The following SMARCD3 variants were observed in gnomAD, a reference collection of about 807,000 sequenced individuals.
SMARCD3 encodes SWI/SNF related BAF chromatin remodeling complex subunit D3, also known as SWI/SNF-related matrix-associated actin-dependent regulator of chromatin subfamily D member 3.
In SMARCD3, 14 loss-of-function variants were observed where a neutral mutation model predicts 58.0. The ratio of observed to expected loss-of-function variants is 0.24; its 90% CI spans 0.16 to 0.38. SMARCD3 has a LOEUF of 0.38. Among genes scored for constraint, SMARCD3 ranks in the 10% least tolerant of loss-of-function variants. The pLI, the probability that SMARCD3 is intolerant of heterozygous loss-of-function variation, is 1.00. For synonymous variants in SMARCD3, 253 were observed against 253.8 expected, an observed-to-expected ratio of 1.00 and a Z score of 0.03; for missense variants, 408 against 636.9, an observed-to-expected ratio of 0.64 and a Z score of 3.87.
chr7:151,240,364 G>A (rs1336392346), intron 9 of SMARCD3, 61 bp downstream of exon 9: 26 of 1,578,180 alleles, frequency 1.6e-5, no homozygotes, highest in Non-Finnish European at 2.2e-5. Context: ...GAGAGGGAGG[G>A]GCAGGGAAGG....
At chr7:151,257,022 T>A (rs549691730) in intron 2 of SMARCD3, among the ~76,000 whole-genome samples, 1 of 152,142 alleles carries the variant, frequency 6.6e-6, no homozygotes, top group Non-Finnish European at 1.5e-5. Context: ...TACTGTTACA[T>A]CCCCATTGGA....
intron 2 of SMARCD3, among the ~76,000 whole-genome samples, chr7:151,264,930 G>A (rs1316122812): frequency 3.9e-5 from 6 of 152,216 alleles, no homozygotes; most frequent in African/African-American, 1.4e-4. Context: ...GGGGCCCAAG[G>A]ACTGGACAGT....
At chr7:151,274,244 G>A (rs890303335) in intron 2 of SMARCD3, among the ~76,000 whole-genome samples, 2 of 152,222 alleles carry the variant, frequency 1.3e-5, no homozygotes, top group Non-Finnish European at 2.9e-5. Flanking sequence ...TCCCACCGGT[G>A]AGGCCAGCCA....
At chr7:151,262,860 T>C (rs907916961) in intron 2 of SMARCD3, among the ~76,000 whole-genome samples, 5 of 152,072 alleles carry the variant, frequency 3.3e-5, no homozygotes, top group African/African-American at 7.2e-5. Flanking sequence ...TCTGTGAAGG[T>C]CAGGGGAGAG....
rs1228378637 is a variant in SMARCD3, at chr7:151,246,687, C to T, written c.79-1016G>A. On this transcript the variant is annotated intron_variant, in intron 1 of 12. Coordinates refer to ENST00000262188, the MANE Select transcript of SMARCD3 (RefSeq NM_001003801.2). This position sits in a 1 kb window ranked among gnomAD's most constrained non-coding sequence, Gnocchi z 4.4. ...GAGGAGGCGGCTCCTCCTCCCTTGC[C>T]ACTACCCCTGGGTGGTCAGATGGGG... 6.6e-6 allele frequency among the ~76,000 whole-genome samples: 1 copy of T among 152,180 alleles called. No individual in the cohort carries two copies. The highest frequency in any genetic ancestry group is 6.5e-5 in the Admixed American group (1 of 15,294).
In SMARCD3 at chr7:151,270,707, C is replaced by T. The variant is rs535153291; in HGVS notation, c.39+4407G>A. Reference sequence around the variant, plus strand: ...TGTGTGAGGGCCCTGAGTGAGGGCACGAGAATGAAGCCACTAGGAAGTGGA... The same window carrying T: ...TGTGTGAGGGCCCTGAGTGAGGGCATGAGAATGAAGCCACTAGGAAGTGGA... On this transcript the variant is annotated intron_variant, in intron 2 of 13. Transcript: ENST00000356800. Among the ~76,000 whole-genome samples, 12 of 152,132 alleles carry T rather than the reference C, an allele frequency of 7.9e-5. No homozygotes were observed. In the South Asian group the frequency reaches 8.3e-4, roughly 11 times the overall value.
chr7:151,265,351 G>T lies in SMARCD3; in HGVS notation c.39+9763C>A, dbSNP rs58352277. Among the ~76,000 whole-genome samples the T allele has an allele frequency of 2.0e-5, 3 of 152,122 alleles. 1 individual carries two copies. In the South Asian group the frequency reaches 6.2e-4, roughly 32 times the overall value. On this transcript the variant is annotated intron_variant, in intron 2 of 13. Coordinates refer to the SMARCD3 transcript ENST00000356800. ...TGCTCAACTTCTAGCCAAGGAGAGA[G>T]GCCTGAGACAGATCCCTCCCTCACA...
rs1246156103 is a variant in SMARCD3 at position 151,239,992 on chromosome 7, T to TTC, written c.1173+119_1173+120insGA. 7.0e-5 allele frequency: 71 copies of TTC among 1,007,948 alleles called. No individual in the cohort carries two copies. Among genetic ancestry groups the TTC allele is most frequent in the Non-Finnish European group, 2.0e-5 (14 of 712,822 alleles). The allele number at this position is 1,007,948 out of a possible 1,614,324, so 62.4% of individuals were successfully genotyped here. A position where few individuals can be genotyped will look rare whatever the true frequency, so the allele number is the denominator to read the frequency against. ...CATTGGCCCAGAGTCTGGTCTCTTT[T>TTC]TTTTTTTTTTTTTTAATTTAACCCA... On this transcript the variant is annotated intron_variant, in intron 10 of 12. Coordinates refer to ENST00000262188, the MANE Select transcript of SMARCD3 (RefSeq NM_001003801.2). The surrounding 1 kb of genome is among the most constrained non-coding windows in gnomAD (Gnocchi z 7.0).
In SMARCD3 at chr7:151,242,109, T is replaced by C; in HGVS notation, c.675+28A>G. ...TTCTGGCCTGTGGGAGGGTGGCAAT[T>C]CAAGGGCGGAGGGGCTCTTGGTCTT... On this transcript the variant is annotated intron_variant, in intron 6 of 12. Coordinates refer to ENST00000262188, the MANE Select transcript of SMARCD3 (RefSeq NM_001003801.2). This position sits in a 1 kb window ranked among gnomAD's most constrained non-coding sequence, Gnocchi z 4.7. 2 of 1,585,734 alleles carry C rather than the reference T, an allele frequency of 1.3e-6. No individual in the cohort carries two copies. Among genetic ancestry groups the C allele is most frequent in the South Asian group, 1.1e-5 (1 of 90,490 alleles).
chr7:151,270,821 C>T lies in SMARCD3; in HGVS notation c.39+4293G>A, dbSNP rs187211195. Among the ~76,000 whole-genome samples, 224 of 152,220 alleles carry T rather than the reference C, an allele frequency of 1.5e-3. 3 individuals carry two copies. Among genetic ancestry groups the T allele is most frequent in the African/African-American group, 5.0e-3 (206 of 41,538 alleles). On this transcript the variant is annotated intron_variant, in intron 2 of 13. Transcript: ENST00000356800. ...TGATGCAGGGACAAGGCTGAGTATG[C>T]GGCACTCAGATGGGGGCAGAAGATC...
chr7:151,247,038 G>T (rs219233), intron 1 of SMARCD3, among the ~76,000 whole-genome samples: 42,792 of 151,850 alleles, frequency 0.28, 6,392 homozygotes, highest in South Asian at 0.43. Flanking sequence ...TCCCACCCTC[G>T]GTCAGCAGCT....
At position 151,241,479 on chromosome 7, in the gene SMARCD3, GGA is replaced by G; in HGVS notation, c.939+11_939+12del. On this transcript the variant is annotated intron_variant, in intron 8 of 12. Transcript: ENST00000262188. This position sits in a 1 kb window ranked among gnomAD's most constrained non-coding sequence, Gnocchi z 5.3. Reference sequence around the variant, plus strand: ...CCTGCTCCCCAGATCCCAGGGTTCAGGAGAGAGGTTACCTGCTGGAAATACTT... The same window carrying G: ...CCTGCTCCCCAGATCCCAGGGTTCAGGAGAGGTTACCTGCTGGAAATACTT... The G allele has an allele frequency of 1.2e-6, 2 of 1,609,606 alleles. No individual in the cohort carries two copies. The highest frequency in any genetic ancestry group is 1.7e-6 in the Non-Finnish European group (2 of 1,177,834).
upstream of SMARCD3, among the ~76,000 whole-genome samples, chr7:151,249,138 C>T (rs190407201): frequency 1.8e-3 from 270 of 152,156 alleles, no homozygotes; most frequent in African/African-American, 6.4e-3. This position sits in a 1 kb window ranked among gnomAD's most constrained non-coding sequence, Gnocchi z 4.8. Flanking sequence ...TTCTGAGGCC[C>T]TTTCCCCAGA....
intron 2 of SMARCD3, among the ~76,000 whole-genome samples, chr7:151,272,440 T>G (rs1418375607): frequency 6.6e-6 from 1 of 152,094 alleles, no homozygotes; most frequent in Admixed American, 6.5e-5. Context: ...TAAGAACACC[T>G]CCCTGTGTCT....
intron 1 of SMARCD3, among the ~76,000 whole-genome samples, chr7:151,275,423 C>A (rs1445965922): frequency 2.0e-5 from 3 of 152,124 alleles, no homozygotes; most frequent in Non-Finnish European, 4.4e-5. Context: ...TGGGGTGGCA[C>A]AAGGCAGGGC....
Position 151,260,799 on chromosome 7 carries a change from C to T in SMARCD3, c.39+14315G>A, listed in dbSNP as rs569066400. ...TGGCCCTTAAGAGGGGTAGGAGAAG[C>T]GATGAGAACAGCAACAGGCTCTGTC... On this transcript the variant is annotated intron_variant, in intron 2 of 13. Coordinates refer to the SMARCD3 transcript ENST00000356800. 4.6e-5 allele frequency among the ~76,000 whole-genome samples: 7 copies of T among 152,286 alleles called. No homozygotes were observed. The East Asian group carries it at 1.4e-3, about 29-fold the overall frequency.
At chr7:151,262,427 T>A (rs1233124193) in intron 2 of SMARCD3, among the ~76,000 whole-genome samples, 1 of 152,206 alleles carries the variant, frequency 6.6e-6, no homozygotes, top group African/African-American at 2.4e-5. Flanking sequence ...GTTATTGGCC[T>A]AGAAAAGCTG....
chr7:151,245,301 A>C lies in SMARCD3; in HGVS notation c.290+159T>G, dbSNP rs1163466969. ...CAAAAGAATCAGGCCGGTGCCCCCT[A>C]AGCCTACCTCCCCAGAGGGCATTCG... On this transcript the variant is annotated intron_variant, in intron 2 of 12. Transcript: ENST00000262188. This position sits in a 1 kb window ranked among gnomAD's most constrained non-coding sequence, Gnocchi z 6.2. Among the ~76,000 whole-genome samples the C allele has an allele frequency of 6.6e-6, 1 of 152,170 alleles. No individual in the cohort carries two copies.
intron 2 of SMARCD3, among the ~76,000 whole-genome samples, chr7:151,271,826 G>A (rs1202250024): frequency 6.6e-6 from 1 of 152,114 alleles, no homozygotes; most frequent in Non-Finnish European, 1.5e-5. Context: ...AGGGGGCATT[G>A]TGGCTTACGC....
Sources: gnomAD v4.1 joint callset for allele counts (sites outside exome capture counted in the v4.1 genomes callset) on GRCh38, gnomAD v4.1.1 for gene constraint, Gnocchi (gnomAD v3.1) non-coding constraint, MANE v1.5 for transcripts, NCBI Gene and HGNC (gene_info 2026-07-23, HGNC 2026-07-21) for gene names.